Variants in MGAM2 observed in about 807,000 individuals in gnomAD.
MGAM2 encodes maltase-glucoamylase 2 (putative), also known as probable maltase-glucoamylase 2.
A neutral mutation model predicts 96.1 loss-of-function variants in MGAM2; 98 were observed. The ratio of observed to expected loss-of-function variants is 1.02; its 90% CI spans 0.87 to 1.21. The LOEUF is 1.21. Among genes scored for constraint, MGAM2 ranks in the 50% most tolerant of loss-of-function variants. The pLI is 0.00. For missense variants in MGAM2, 2,055 were observed against 1,182.4 expected, an observed-to-expected ratio of 1.74 and a Z score of -10.82; for synonymous variants, 749 against 414.8, an observed-to-expected ratio of 1.81 and a Z score of -9.79.
intron 15 of MGAM2, among the ~76,000 whole-genome samples, chr7:142,147,877 G>A (rs1795435826): frequency 6.7e-6 from 1 of 149,152 alleles, no homozygotes; most frequent in African/African-American, 2.5e-5. Flanking sequence ...TTTACTGAAT[G>A]CACTAGGATT....
intron 17 of MGAM2, among the ~76,000 whole-genome samples, chr7:142,155,128 A>G (rs951930885): frequency 9.9e-5 from 15 of 152,174 alleles, no homozygotes; most frequent in African/African-American, 3.4e-4. Flanking sequence ...TCTATCCTAT[A>G]TAGGATAGGA....
chr7:142,185,940 C>T (rs1167561362), intron 34 of MGAM2, 49 bp from the exon 35 acceptor site: 1 of 696,404 alleles, frequency 1.4e-6, no homozygotes, highest in Non-Finnish European at 2.6e-6. Context: ...TTTGTGGTCT[C>T]CTGTATAGGC....
chr7:142,192,737 C>T (rs1424604109), intron 37 of MGAM2, among the ~76,000 whole-genome samples: 1 of 152,178 alleles, frequency 6.6e-6, no homozygotes, highest in African/African-American at 2.4e-5. Flanking sequence ...TGCATCCCAT[C>T]GCCATCTTTC....
chr7:142,198,746 A>T lies in MGAM2; in HGVS notation c.5048+7A>T, dbSNP rs1327883810. The T allele has an allele frequency of 2.8e-6, 2 of 702,866 alleles. No individual in the cohort carries two copies. The highest frequency in any genetic ancestry group is 3.5e-5 in the African/African-American group (2 of 57,346). The allele number at this position is 702,866 out of a possible 1,614,324, so 43.5% of individuals were successfully genotyped here. ...CTATGAACACTCACTCCAGGTGAGG[A>T]GAAGAGGCAATGTCTAACAGCCTCT... is the stretch of plus-strand genomic sequence containing the variant. On this transcript the variant is annotated splice_region_variant and intron_variant, in intron 44 of 47. Transcript: ENST00000477922.
intron 2 of MGAM2, among the ~76,000 whole-genome samples, chr7:142,119,545 T>C (rs1794495714): frequency 6.6e-6 from 1 of 152,212 alleles, no homozygotes; most frequent in Non-Finnish European, 1.5e-5. Context: ...ACAATTCCAC[T>C]TCTAGGTATA....
chr7:142,114,790 G>A (rs922610053), intron 1 of MGAM2, among the ~76,000 whole-genome samples: 9 of 152,146 alleles, frequency 5.9e-5, no homozygotes, highest in African/African-American at 2.2e-4. Flanking sequence ...TTGTGGAAAC[G>A]CTTGGGTTGA....
intron 20 of MGAM2, 149 bp downstream of exon 20, chr7:142,159,492 G>T (rs774170173): frequency 1.6e-6 from 1 of 607,388 alleles, no homozygotes; most frequent in Non-Finnish European, 3.0e-6. Flanking sequence ...AGGCATCTTA[G>T]TTGGTTCAGG....
At position 142,167,355 on chromosome 7, in the gene MGAM2, A is replaced by G. The variant is rs1312283193; in HGVS notation, c.2896A>G (p.Ile966Val). ...ASDIQYLNTS[I>V]TADLSLPMAP... ...TGATATTCAGTACCTGAACACCAGC[A>G]TCACTGCAGACCTTTCCCTCCCGAT... is the stretch of plus-strand genomic sequence containing the variant. The change falls in exon 26 of 48, where the codon ATC becomes GTC. Residue 966 changes from isoleucine (I) to valine (V), a missense_variant. Coordinates refer to ENST00000477922, the MANE Select transcript of MGAM2 (RefSeq NM_001293626.2). 5.7e-6 allele frequency: 4 copies of G among 702,760 alleles called. No individual in the cohort carries two copies. Among genetic ancestry groups the G allele is most frequent in the East Asian group, 5.4e-5 (2 of 37,288 alleles). 43.5% of individuals were successfully genotyped at this position (702,760 alleles called of 1,614,324 possible).
intron 37 of MGAM2, among the ~76,000 whole-genome samples, chr7:142,192,299 C>T (rs1479803841): frequency 2.0e-5 from 3 of 152,118 alleles, no homozygotes; most frequent in Admixed American, 1.3e-4. Context: ...CCACACCTAG[C>T]TTGAGGCTTT....
chr7:142,140,968 T>A, intron 11 of MGAM2, 35 bp downstream of exon 11: 1 of 693,350 alleles, frequency 1.4e-6, no homozygotes, highest in South Asian at 1.6e-5. Flanking sequence ...ATTTTTTCCT[T>A]TGTAGTGCAA....
In MGAM2 at chr7:142,189,443, C is replaced by T. The variant is rs190163883; in HGVS notation, c.4284C>T (p.Ser1428=). The part of the protein sequence containing the change: ...MESQQILPDS[S]PVEHYNVHNL... ...GTCAGCAGATCCTGCCGGACAGCTC[C>T]CCCGTGGAGCACTACAACGTGCACA... Residue 1428 remains serine, a synonymous_variant, in exon 37 of 48, where the codon TCC becomes TCT. Coordinates refer to ENST00000477922, the MANE Select transcript of MGAM2 (RefSeq NM_001293626.2). 1,694 of 793,266 alleles carry T rather than the reference C, an allele frequency of 2.1e-3. 23 individuals carry two copies. The African/African-American group carries it at 0.025, about 12-fold the overall frequency. 49.1% of individuals were successfully genotyped at this position (793,266 alleles called of 1,614,324 possible). A position where few individuals can be genotyped will look rare whatever the true frequency, so the allele number is the denominator to read the frequency against.
intron 42 of MGAM2, 112 bp from the exon 43 acceptor site, chr7:142,198,027 G>T (rs567360163): frequency 3.6e-5 from 22 of 607,428 alleles, no homozygotes; most frequent in African/African-American, 2.9e-4. Context: ...TCAAATTATT[G>T]CAATCACTAA....
chr7:142,177,691 G>A (rs543659114), intron 32 of MGAM2, among the ~76,000 whole-genome samples: 25 of 152,238 alleles, frequency 1.6e-4, no homozygotes, highest in Non-Finnish European at 2.5e-4. Context: ...TTGCTGCAAA[G>A]AGCATAATTT....
rs145273283 is a variant in MGAM2, at chr7:142,125,734, T to C, written c.187-5214T>C. Reference sequence around the variant, plus strand: ...TTTACATTGTGGCTTTTCAGGAAAATGACATCAGATGTTAGCATCTGAAAT... The same window carrying C: ...TTTACATTGTGGCTTTTCAGGAAAACGACATCAGATGTTAGCATCTGAAAT... On this transcript the variant is annotated intron_variant, in intron 3 of 47. Coordinates refer to ENST00000477922, the MANE Select transcript of MGAM2 (RefSeq NM_001293626.2). Among the ~76,000 whole-genome samples, 651 of 152,278 alleles carry C rather than the reference T, an allele frequency of 4.3e-3. 4 individuals are homozygous for C. Among genetic ancestry groups the C allele is most frequent in the Middle Eastern group, 0.024 (7 of 292 alleles).
intron 36 of MGAM2, among the ~76,000 whole-genome samples, chr7:142,188,123 CA>C: frequency 6.6e-6 from 1 of 151,526 alleles, no homozygotes; most frequent in Non-Finnish European, 1.5e-5. Context: ...CACACACACA[CA>C]CACACACACA....
intron 2 of MGAM2, among the ~76,000 whole-genome samples, chr7:142,117,793 G>A (rs994708792): frequency 2.6e-5 from 4 of 151,944 alleles, no homozygotes; most frequent in African/African-American, 7.3e-5. Flanking sequence ...CACATTTTTC[G>A]GGTAACAAGT....
chr7:142,196,153 G>C lies in MGAM2; in HGVS notation c.4347-1G>C. On this transcript the variant is annotated splice_acceptor_variant, in intron 37 of 47. Transcript: ENST00000477922. LOFTEE classifies it high-confidence loss of function. ...TCACCTCTTTATTCCCCTCCCACCAGAGCTGTGCAGGAGGTGACAGGACAG... is the reference window on the plus strand; with the variant it reads ...TCACCTCTTTATTCCCCTCCCACCACAGCTGTGCAGGAGGTGACAGGACAG... The C allele has an allele frequency of 8.9e-7, 1 of 1,117,740 alleles. No individual in the cohort carries two copies. Among genetic ancestry groups the C allele is most frequent in the Non-Finnish European group, 1.3e-6 (1 of 750,734 alleles). 69.2% of individuals were successfully genotyped at this position (1,117,740 alleles called of 1,614,324 possible).
Position 142,137,528 on chromosome 7 carries a change from G to A in MGAM2, c.943G>A (p.Val315Ile), listed in dbSNP as rs1384348057. 5.7e-6 allele frequency: 4 copies of A among 699,646 alleles called. No individual in the cohort carries two copies. The highest frequency in any genetic ancestry group is 1.0e-5 in the Non-Finnish European group (4 of 383,162). 43.3% of individuals were successfully genotyped at this position (699,646 alleles called of 1,614,324 possible). ...CCTAGGAAACACTCCAGAACAAGTG[G>A]TTCAGGAATACTTGGAGGTATGTCT... Reference protein sequence around the residue: ...VFLGNTPEQVVQEYLELVGRP... With the variant: ...VFLGNTPEQVIQEYLELVGRP... The change falls in exon 9 of 48, where the codon GTT becomes ATT. Residue 315 changes from valine (V) to isoleucine (I), a missense_variant. Physicochemically the swap from Val to Ile is conservative, Grantham distance 29 (BLOSUM62 3). Transcript: ENST00000477922.
At chr7:142,155,028 A>T (rs1273045762) in intron 17 of MGAM2, among the ~76,000 whole-genome samples, 183 bp downstream of exon 17, 1 of 152,238 alleles carries the variant, frequency 6.6e-6, no homozygotes, top group African/African-American at 2.4e-5. Flanking sequence ...TGGAAGGGAT[A>T]TGTATATACT....
Sources: allele counts gnomAD v4.1 joint callset (sites outside exome capture counted in the v4.1 genomes callset), GRCh38; gene constraint gnomAD v4.1.1; transcripts MANE v1.5; gene names NCBI Gene and HGNC (gene_info 2026-07-23, HGNC 2026-07-21).